Variants in ACBD6 observed in about 807,000 individuals in gnomAD.
ACBD6 encodes the protein acyl-CoA-binding domain-containing protein 6.
Under a neutral mutation model 37.2 loss-of-function variants are expected in ACBD6, and 28 were observed. The ratio of observed to expected loss-of-function variants is 0.75; its 90% CI spans 0.56 to 1.03. The LOEUF is 1.03. ACBD6 is among the 50% of genes least tolerant of loss of function. The pLI, the probability that ACBD6 is intolerant of heterozygous loss-of-function variation, is 0.00. For missense variants in ACBD6, 340 were observed against 337.4 expected (o/e 1.01, Z -0.06); for synonymous variants, 113 against 126.8 (o/e 0.89, Z 0.73).
At chr1:180,424,938 T>A (rs1648523611) in intron 4 of ACBD6, among the ~76,000 whole-genome samples, 1 of 152,160 alleles carries the variant, frequency 6.6e-6, no homozygotes, top group Admixed American at 6.5e-5. Context: ...AGGAGACTCT[T>A]ACAACAGTTA....
chr1:180,271,800 G>A (rs750208012), exon 14 of ACBD6: 33 of 1,611,622 alleles, frequency 2.0e-5, no homozygotes, highest in African/African-American at 1.2e-4. Context: ...TGTGGTGGAC[G>A]CCCCCTGAGT....
intron 6 of ACBD6, among the ~76,000 whole-genome samples, chr1:180,322,071 G>A (rs1651096387): frequency 6.6e-6 from 1 of 151,964 alleles, no homozygotes; most frequent in Non-Finnish European, 1.5e-5. Flanking sequence ...TTTTCATGAA[G>A]GAATATTGAA....
chr1:180,361,642 T>A (rs947228633), intron 6 of ACBD6, among the ~76,000 whole-genome samples: 1 of 152,150 alleles, frequency 6.6e-6, no homozygotes. Flanking sequence ...GGCCTTCCAA[T>A]AGAGACAGTA....
rs1260138403 is a variant in ACBD6, at chr1:180,409,336, G to A, written c.573+4030C>T. ...ACTACAATTTAAAAAATCAAGGGAA[G>A]CAATCATGCCAAATTTATTTAAAAA... On this transcript the variant is annotated intron_variant, in intron 5 of 7. Coordinates refer to ENST00000367595, the MANE Select transcript of ACBD6 (RefSeq NM_032360.4). Among the ~76,000 whole-genome samples, 4 of 152,184 alleles carry A rather than the reference G, an allele frequency of 2.6e-5. No homozygotes were observed. The South Asian group carries it at 6.2e-4, about 24-fold the overall frequency.
chr1:180,360,179 C>A (rs1652795043), intron 6 of ACBD6, among the ~76,000 whole-genome samples: 1 of 152,158 alleles, frequency 6.6e-6, no homozygotes, highest in Admixed American at 6.5e-5. Flanking sequence ...TTCTCTTCTG[C>A]ACCTTCTCTA....
intron 6 of ACBD6, among the ~76,000 whole-genome samples, chr1:180,393,291 A>T (rs1026180357): frequency 6.6e-6 from 1 of 152,234 alleles, no homozygotes; most frequent in African/African-American, 2.4e-5. Flanking sequence ...TCACAGTCAC[A>T]CAACATAGAA....
At chr1:180,330,046 TA>T (rs777044343) in intron 6 of ACBD6, among the ~76,000 whole-genome samples, 1 of 152,114 alleles carries the variant, frequency 6.6e-6, no homozygotes, top group East Asian at 1.9e-4. Flanking sequence ...GCTGACAAAA[TA>T]CAGCAAAATA....
At chr1:180,462,620 AC>A (rs555831950) in intron 3 of ACBD6, among the ~76,000 whole-genome samples, 39 of 152,170 alleles carry the variant, frequency 2.6e-4, no homozygotes, top group Admixed American at 5.9e-4. Context: ...AGACCCTCAC[AC>A]AATAATATTG....
At chr1:180,463,859 T>C (rs753574010) in intron 3 of ACBD6, among the ~76,000 whole-genome samples, 1 of 152,124 alleles carries the variant, frequency 6.6e-6, no homozygotes, top group African/African-American at 2.4e-5. Flanking sequence ...TTATCCACCA[T>C]GATCAAGTAG....
chr1:180,289,946 G>C (rs1362049568), intron 7 of ACBD6, among the ~76,000 whole-genome samples: 1 of 152,050 alleles, frequency 6.6e-6, no homozygotes, highest in Non-Finnish European at 1.5e-5. Context: ...TTGGGATAGT[G>C]GTAATCTCTC....
chr1:180,358,383 T>C (rs1328804478), intron 6 of ACBD6, among the ~76,000 whole-genome samples: 1 of 152,022 alleles, frequency 6.6e-6, no homozygotes, highest in Non-Finnish European at 1.5e-5. Flanking sequence ...GCCGAGATTG[T>C]GCCATTGCAC....
At chr1:180,446,858 T>A (rs1445169265) in intron 3 of ACBD6, among the ~76,000 whole-genome samples, 1 of 152,100 alleles carries the variant, frequency 6.6e-6, no homozygotes, top group East Asian at 1.9e-4. Flanking sequence ...CTGGCCAACA[T>A]GGTAAAACCC....
At chr1:180,435,870 C>T (rs1649016893) in intron 3 of ACBD6, 1 of 1,366,044 alleles carries the variant, frequency 7.3e-7, no homozygotes, top group African/African-American at 1.4e-5. Context: ...TTGACACTGT[C>T]AGCTCTTCTG....
intron 6 of ACBD6, among the ~76,000 whole-genome samples, chr1:180,359,939 T>A (rs901262447): frequency 6.6e-6 from 1 of 152,196 alleles, no homozygotes; most frequent in Admixed American, 6.5e-5. Context: ...ATATTCCAGA[T>A]AACATTATTA....
intron 3 of ACBD6, among the ~76,000 whole-genome samples, chr1:180,491,752 C>T (rs1199785283): frequency 1.3e-5 from 2 of 152,172 alleles, no homozygotes; most frequent in Non-Finnish European, 2.9e-5. Context: ...AACTCTGCAA[C>T]TCAGAGAAGT....
chr1:180,388,092 C>A lies in ACBD6; in HGVS notation c.663+9424G>T, dbSNP rs1243725253. Among the ~76,000 whole-genome samples, 4 of 150,852 alleles carry A rather than the reference C, an allele frequency of 2.7e-5. No homozygotes were observed. The South Asian group carries it at 8.4e-4, about 32-fold the overall frequency. ...TCGGGAGGCTGAGGCAGGAGAATGGCGTGAACCCAGGAGGCGGAGCTTGCA... is the reference window on the plus strand; with the variant it reads ...TCGGGAGGCTGAGGCAGGAGAATGGAGTGAACCCAGGAGGCGGAGCTTGCA... On this transcript the variant is annotated intron_variant, in intron 6 of 7. Coordinates refer to ENST00000367595, the MANE Select transcript of ACBD6 (RefSeq NM_032360.4).
At chr1:180,472,855 T>C (rs942603475) in intron 3 of ACBD6, among the ~76,000 whole-genome samples, 1 of 152,174 alleles carries the variant, frequency 6.6e-6, no homozygotes, top group Non-Finnish European at 1.5e-5. Flanking sequence ...GTTCAATAAA[T>C]CTTAGCTGAA....
chr1:180,477,561 TATC>T (rs1212995785), intron 3 of ACBD6, among the ~76,000 whole-genome samples: 2 of 152,190 alleles, frequency 1.3e-5, no homozygotes, highest in Admixed American at 1.3e-4. Flanking sequence ...TAATAGAGTT[TATC>T]ATTAGAACGA....
chr1:180,454,740 A>C (rs1649849282), intron 3 of ACBD6, among the ~76,000 whole-genome samples: 1 of 152,232 alleles, frequency 6.6e-6, no homozygotes, highest in Non-Finnish European at 1.5e-5. Flanking sequence ...AAAAGAAGAC[A>C]TTTACGCAGC....
Sources: allele counts gnomAD v4.1 joint callset (sites outside exome capture counted in the v4.1 genomes callset), GRCh38; gene constraint gnomAD v4.1.1; transcripts MANE v1.5; gene names NCBI Gene and HGNC (gene_info 2026-07-23, HGNC 2026-07-21).